INHBB: variants seen among roughly 807,000 people sequenced by gnomAD.
INHBB encodes inhibin beta B chain.
A neutral mutation model predicts 28.9 loss-of-function variants in INHBB; 8 were observed. The observed-to-expected ratio is 0.28, with a 90% CI of 0.16 to 0.50. The LOEUF (loss-of-function observed/expected upper bound fraction) is 0.50, where lower values mean the gene tolerates loss of function less well. INHBB is among the 20% of genes least tolerant of loss of function. The probability of loss-of-function intolerance (pLI) is 0.98; values close to 1 mark genes in which losing one functional copy is unlikely to be tolerated. For synonymous variants in INHBB, 293 were observed against 262.7 expected (o/e 1.12, Z -1.12); for missense variants, 499 against 597.8 (o/e 0.83, Z 1.72).
In INHBB at chr2:120,346,581, C is replaced by T; in HGVS notation, c.393C>T (p.Ser131=). The T allele has an allele frequency of 6.8e-7, 1 of 1,466,524 alleles. No homozygotes were observed. Among genetic ancestry groups the T allele is most frequent in the Non-Finnish European group, 9.0e-7 (1 of 1,116,850 alleles). The allele number at this position is 1,466,524 out of a possible 1,614,324, so 90.8% of individuals were successfully genotyped here. ...VEIPHLDGHA[S]PGADGQERVS... is the part of the protein sequence containing the mutation. ...TCCCGCACCTCGACGGCCACGCCAGCCCGGGCGCCGACGGCCAGGAGCGCG... is the reference window on the plus strand; with the variant it reads ...TCCCGCACCTCGACGGCCACGCCAGTCCGGGCGCCGACGGCCAGGAGCGCG... Residue 131 remains serine (S), a synonymous_variant, in exon 1 of 2, where the codon AGC becomes AGT. Coordinates refer to ENST00000295228, the MANE Select transcript of INHBB (RefSeq NM_002193.4).
At position 120,346,551 on chromosome 2, in the gene INHBB, G is replaced by A. The variant is rs750514920; in HGVS notation, c.363G>A (p.Val121=). 2 of 1,511,648 alleles carry A rather than the reference G, an allele frequency of 1.3e-6. No individual in the cohort carries two copies. Among genetic ancestry groups the A allele is most frequent in the South Asian group, 1.2e-5 (1 of 81,064 alleles). The allele number at this position is 1,511,648 out of a possible 1,614,324, so 93.6% of individuals were successfully genotyped here. ...HAGKVREDGR[V]EIPHLDGHAS... is the part of the protein sequence containing the mutation. ...GCAAGGTGCGCGAGGACGGCCGCGT[G>A]GAGATCCCGCACCTCGACGGCCACG... Residue 121 remains valine (V), a synonymous_variant, in exon 1 of 2, where the codon GTG becomes GTA. Transcript: ENST00000295228.
rs1691255958 is a variant in INHBB at position 120,351,379 on chromosome 2, A to G, written c.*1505A>G. The G allele has an allele frequency of 6.6e-6, 1 of 151,200 alleles. No individual in the cohort carries two copies. The highest frequency in any genetic ancestry group is 2.1e-4 in the South Asian group (1 of 4,782). 9.4% of individuals were successfully genotyped at this position (151,200 alleles called of 1,614,324 possible). Reference sequence around the variant, plus strand: ...TTAGTCAGAAACTGCCATTTGAAAAAAAGTTATTTTTATAGCAGCAAAAAA... The same window carrying G: ...TTAGTCAGAAACTGCCATTTGAAAAGAAGTTATTTTTATAGCAGCAAAAAA... On this transcript the variant is annotated 3_prime_UTR_variant, in exon 2 of 2. Coordinates refer to ENST00000295228, the MANE Select transcript of INHBB (RefSeq NM_002193.4).
Position 120,350,660 on chromosome 2 carries a change from A to G in INHBB, c.*786A>G, listed in dbSNP as rs1171842886. Reference sequence around the variant, plus strand: ...AGAGGGGGCTAAATTTGATGCTTTAACTGATCTCCAACAGTTGACAGGTCA... The same window carrying G: ...AGAGGGGGCTAAATTTGATGCTTTAGCTGATCTCCAACAGTTGACAGGTCA... On this transcript the variant is annotated 3_prime_UTR_variant, in exon 2 of 2. Coordinates refer to ENST00000295228, the MANE Select transcript of INHBB (RefSeq NM_002193.4). 2 of 152,300 alleles carry G rather than the reference A, an allele frequency of 1.3e-5. No individual in the cohort carries two copies. Among genetic ancestry groups the G allele is most frequent in the Non-Finnish European group, 2.9e-5 (2 of 68,068 alleles). 9.4% of individuals were successfully genotyped at this position (152,300 alleles called of 1,614,324 possible). A position where few individuals can be genotyped will look rare whatever the true frequency, so the allele number is the denominator to read the frequency against.
chr2:120,348,224 A>AG (rs1691195755), intron 1 of INHBB, among the ~76,000 whole-genome samples: 1 of 148,790 alleles, frequency 6.7e-6, no homozygotes, highest in Non-Finnish European at 1.5e-5. Context: ...TTCTTCCTGA[A>AG]AAAAAAAAAA....
chr2:120,346,316 C>A lies in INHBB; in HGVS notation c.128C>A (p.Pro43Gln). The A allele has an allele frequency of 8.7e-6, 12 of 1,385,322 alleles. No homozygotes were observed. Among genetic ancestry groups the A allele is most frequent in the Non-Finnish European group, 1.1e-5 (12 of 1,076,790 alleles). The allele number at this position is 1,385,322 out of a possible 1,614,324, so 85.8% of individuals were successfully genotyped here. The change falls in exon 1 of 2, where the codon CCG becomes CAG. Residue 43 changes from proline to glutamine, a missense_variant. Coordinates refer to ENST00000295228, the MANE Select transcript of INHBB (RefSeq NM_002193.4). ...ACGCCTGCCGCGCCGCCGCCACCCC[C>A]GCCACCCGGATCCCCGGGTGGCTCG... ...PPTPAAPPPP[P>Q]PPGSPGGSQD...
rs1188454912 is a variant in INHBB, at chr2:120,346,479, C to T, written c.291C>T (p.Ala97=). 3 of 1,558,236 alleles carry T rather than the reference C, an allele frequency of 1.9e-6. No individual in the cohort carries two copies. Among genetic ancestry groups the T allele is most frequent in the East Asian group, 2.5e-5 (1 of 40,698 alleles). Residue 97 remains alanine, a synonymous_variant, in exon 1 of 2, where the codon GCC becomes GCT. Coordinates refer to ENST00000295228, the MANE Select transcript of INHBB (RefSeq NM_002193.4). ...QMRGRPNITH[A]VPKAAMVTAL... ...GGGGCCGGCCCAACATCACGCACGC[C>T]GTGCCTAAGGCCGCCATGGTCACGG... is the stretch of plus-strand genomic sequence containing the variant.
At position 120,349,439 on chromosome 2, in the gene INHBB, G is replaced by A. The variant is rs114178673; in HGVS notation, c.789G>A (p.Val263=). ...GCCAGGAGCTGGCCGTGGTGCCGGT[G>A]TTCGTGGACCCAGGCGAAGAGTCGC... ...DSCQELAVVP[V]FVDPGEESHR... is the part of the protein sequence containing the mutation. Residue 263 remains valine (V), a synonymous_variant, in exon 2 of 2, where the codon GTG becomes GTA. Coordinates refer to ENST00000295228, the MANE Select transcript of INHBB (RefSeq NM_002193.4). This position sits in a 1 kb window ranked among gnomAD's most constrained non-coding sequence, Gnocchi z 5.6. 1.1e-4 allele frequency: 178 copies of A among 1,613,748 alleles called. No individual in the cohort carries two copies. In the African/African-American group the frequency reaches 2.2e-3, roughly 20 times the overall value.
rs1691210009 is a variant in INHBB at position 120,349,041 on chromosome 2, C to T, written c.449-58C>T. ...CATCCTGCAGCAGAGAGTGTGTTTC[C>T]CCCATTGCCTTGTGTTCTCCTTGAA... On this transcript the variant is annotated intron_variant, in intron 1 of 1. Coordinates refer to ENST00000295228, the MANE Select transcript of INHBB (RefSeq NM_002193.4). The surrounding 1 kb of genome is among the most constrained non-coding windows in gnomAD (Gnocchi z 5.6). 2 of 1,529,130 alleles carry T rather than the reference C, an allele frequency of 1.3e-6. No homozygotes were observed. The highest frequency in any genetic ancestry group is 1.4e-5 in the African/African-American group (1 of 72,600). The allele number at this position is 1,529,130 out of a possible 1,614,324, so 94.7% of individuals were successfully genotyped here.
At chr2:120,347,372 G>A (rs1215876692) in intron 1 of INHBB, among the ~76,000 whole-genome samples, 2 of 151,520 alleles carry the variant, frequency 1.3e-5, no homozygotes, top group Non-Finnish European at 2.9e-5. Flanking sequence ...GTTAACAAAG[G>A]GTATGGCTCC....
Position 120,349,136 on chromosome 2 carries a change from C to T in INHBB, c.486C>T (p.Phe162=), listed in dbSNP as rs772987976. ...LASSRVRLYF[F]ISNEGNQNLF... Reference sequence around the variant, plus strand: ...CCTCCCGGGTCCGCCTATACTTCTTCATCTCCAACGAAGGCAACCAGAACC... The same window carrying T: ...CCTCCCGGGTCCGCCTATACTTCTTTATCTCCAACGAAGGCAACCAGAACC... Residue 162 remains phenylalanine (F), a synonymous_variant, in exon 2 of 2, where the codon TTC becomes TTT. Coordinates refer to ENST00000295228, the MANE Select transcript of INHBB (RefSeq NM_002193.4). The surrounding 1 kb of genome is among the most constrained non-coding windows in gnomAD (Gnocchi z 5.6). The T allele has an allele frequency of 2.5e-6, 4 of 1,612,736 alleles. No individual in the cohort carries two copies. Among genetic ancestry groups the T allele is most frequent in the Admixed American group, 3.3e-5 (2 of 59,942 alleles).
At position 120,349,319 on chromosome 2, in the gene INHBB, C is replaced by T. The variant is rs747266259; in HGVS notation, c.669C>T (p.Arg223=). 1.2e-6 allele frequency: 2 copies of T among 1,614,120 alleles called. No individual in the cohort carries two copies. The highest frequency in any genetic ancestry group is 1.7e-6 in the Non-Finnish European group (2 of 1,180,000). The part of the protein sequence containing the change: ...NMVEKRVDLK[R]SGWHTFPLTE... Reference sequence around the variant, plus strand: ...TGGAGAAGAGGGTGGACCTCAAGCGCAGCGGCTGGCATACCTTCCCACTCA... The same window carrying T: ...TGGAGAAGAGGGTGGACCTCAAGCGTAGCGGCTGGCATACCTTCCCACTCA... Residue 223 remains arginine (R), a synonymous_variant, in exon 2 of 2, where the codon CGC becomes CGT. Coordinates refer to ENST00000295228, the MANE Select transcript of INHBB (RefSeq NM_002193.4). This position sits in a 1 kb window ranked among gnomAD's most constrained non-coding sequence, Gnocchi z 5.6.
intron 1 of INHBB, among the ~76,000 whole-genome samples, chr2:120,346,869 GGCCC>G (rs1387810547): frequency 2.0e-5 from 3 of 152,222 alleles, no homozygotes; most frequent in Non-Finnish European, 4.4e-5. Context: ...CCGATCGCCT[GGCCC>G]TCCACCCCTG....
intron 1 of INHBB, among the ~76,000 whole-genome samples, chr2:120,347,973 GA>G (rs1438348844): frequency 1.3e-5 from 2 of 152,214 alleles, no homozygotes; most frequent in Non-Finnish European, 2.9e-5. Context: ...GGCACAAAAT[GA>G]CAGCGGGGGC....
chr2:120,348,604 T>C (rs370747834), intron 1 of INHBB, among the ~76,000 whole-genome samples: 2 of 131,572 alleles, frequency 1.5e-5, no homozygotes, highest in Non-Finnish European at 3.1e-5. Flanking sequence ...AGGTAAACAC[T>C]GGAAAGAGGC....
chr2:120,349,876 A>T lies in INHBB; in HGVS notation c.*2A>T, dbSNP rs1449745321. Reference sequence around the variant, plus strand: ...GTGGAGGAGTGCGGCTGCGCCTGACAGTGCAAGGCAGGGGCACGGTGGTGG... The same window carrying T: ...GTGGAGGAGTGCGGCTGCGCCTGACTGTGCAAGGCAGGGGCACGGTGGTGG... On this transcript the variant is annotated 3_prime_UTR_variant, in exon 2 of 2. Transcript: ENST00000295228. The surrounding 1 kb of genome is among the most constrained non-coding windows in gnomAD (Gnocchi z 5.6). 2 of 1,603,076 alleles carry T rather than the reference A, an allele frequency of 1.2e-6. No individual in the cohort carries two copies. The highest frequency in any genetic ancestry group is 2.2e-5 in the South Asian group (2 of 90,142).
chr2:120,348,780 T>G (rs537446807), intron 1 of INHBB, among the ~76,000 whole-genome samples: 7 of 152,078 alleles, frequency 4.6e-5, no homozygotes, highest in Admixed American at 3.3e-4. Context: ...CTTGGCCCCC[T>G]GACAAGTTCT....
In INHBB at chr2:120,351,577, C is replaced by T. The variant is rs150764799; in HGVS notation, c.*1703C>T. 3.9e-5 allele frequency: 6 copies of T among 152,214 alleles called. No individual in the cohort carries two copies. The highest frequency in any genetic ancestry group is 5.9e-5 in the Non-Finnish European group (4 of 68,008). The allele number at this position is 152,214 out of a possible 1,614,324, so 9.4% of individuals were successfully genotyped here. ...AGGGTATGAATGGATTTTGTTTATTCGGTTTGATGTGTCTTTTCCATCCTT... is the reference window on the plus strand; with the variant it reads ...AGGGTATGAATGGATTTTGTTTATTTGGTTTGATGTGTCTTTTCCATCCTT... On this transcript the variant is annotated 3_prime_UTR_variant, in exon 2 of 2. Coordinates refer to ENST00000295228, the MANE Select transcript of INHBB (RefSeq NM_002193.4).
chr2:120,347,072 AGAGT>A (rs1274158641), intron 1 of INHBB, among the ~76,000 whole-genome samples: 1 of 152,022 alleles, frequency 6.6e-6, no homozygotes, highest in Admixed American at 6.5e-5. Context: ...GAGGAGAGAG[AGAGT>A]GTGTGTGTAT....
rs1691253545 is a variant in INHBB at position 120,351,294 on chromosome 2, C to T, written c.*1420C>T. ...TATTTTTTATACTTGAAATGAAATC[C>T]TTTGCTTCTTTTTTAAGCGAATGAT... is the stretch of plus-strand genomic sequence containing the variant. On this transcript the variant is annotated 3_prime_UTR_variant, in exon 2 of 2. Coordinates refer to ENST00000295228, the MANE Select transcript of INHBB (RefSeq NM_002193.4). The T allele has an allele frequency of 6.6e-6, 1 of 151,982 alleles. No individual in the cohort carries two copies. The highest frequency in any genetic ancestry group is 1.5e-5 in the Non-Finnish European group (1 of 68,010). The allele number at this position is 151,982 out of a possible 1,614,324, so 9.4% of individuals were successfully genotyped here.
Sources: allele counts gnomAD v4.1 joint callset (sites outside exome capture counted in the v4.1 genomes callset), GRCh38; gene constraint gnomAD v4.1.1; non-coding constraint Gnocchi (gnomAD v3.1); transcripts MANE v1.5; gene names NCBI Gene and HGNC (gene_info 2026-07-23, HGNC 2026-07-21).